CSMD3: variants seen among roughly 807,000 people sequenced by gnomAD.
CSMD3 encodes the protein CUB and Sushi multiple domains 3.
Under a neutral mutation model 435.2 loss-of-function variants are expected in CSMD3, and 177 were observed. The ratio of observed to expected loss-of-function variants is 0.41; its 90% CI spans 0.36 to 0.46. The LOEUF (loss-of-function observed/expected upper bound fraction) is 0.46, where lower values mean the gene tolerates loss of function less well. CSMD3 is among the 20% of genes least tolerant of loss of function. The pLI is 0.34. For missense variants in CSMD3, 4,265 were observed against 4,504.6 expected (o/e 0.95, Z 1.52); for synonymous variants, 1,656 against 1,520.5 (o/e 1.09, Z -2.07).
At chr8:113,069,601 G>A (rs2131397351) in intron 5 of CSMD3, among the ~76,000 whole-genome samples, 1 of 152,182 alleles carries the variant, frequency 6.6e-6, no homozygotes, top group South Asian at 2.1e-4. Context: ...ATGTCCAGAT[G>A]TGGGCAGTAA....
intron 13 of CSMD3, among the ~76,000 whole-genome samples, chr8:112,767,958 A>G (rs1248785043): frequency 1.3e-5 from 2 of 151,732 alleles, no homozygotes; most frequent in Non-Finnish European, 1.5e-5. Context: ...GGAAACAAGA[A>G]TATTAATCTC....
intron 2 of CSMD3, among the ~76,000 whole-genome samples, chr8:113,293,539 T>G (rs2093700124): frequency 6.6e-6 from 1 of 152,086 alleles, no homozygotes; most frequent in Admixed American, 6.6e-5. Flanking sequence ...CCATATCCAC[T>G]ATGTGCCACA....
intron 32 of CSMD3, among the ~76,000 whole-genome samples, chr8:112,463,908 C>T (rs1768496648): frequency 6.6e-6 from 1 of 152,042 alleles, no homozygotes; most frequent in Non-Finnish European, 1.5e-5. Context: ...GAGTTCTAAC[C>T]TCCTAAAAGA....
At chr8:112,373,648 T>C (rs1828663322) in intron 38 of CSMD3, among the ~76,000 whole-genome samples, 1 of 152,192 alleles carries the variant, frequency 6.6e-6, no homozygotes, top group Non-Finnish European at 1.5e-5. Flanking sequence ...TGTATCTAGT[T>C]ATTAAAATCT....
At chr8:113,222,247 C>T (rs192427298) in intron 3 of CSMD3, among the ~76,000 whole-genome samples, 216 of 150,774 alleles carry the variant, frequency 1.4e-3, no homozygotes, top group South Asian at 9.8e-3. Flanking sequence ...TAAATTTAAC[C>T]AAAAATTTTC....
At chr8:112,343,364 T>TAGAA (rs1448537150) in intron 41 of CSMD3, among the ~76,000 whole-genome samples, 1 of 152,126 alleles carries the variant, frequency 6.6e-6, no homozygotes, top group Non-Finnish European at 1.5e-5. Flanking sequence ...TCAATGGACA[T>TAGAA]AGAAGTTCAC....
chr8:113,164,082 G>C (rs943702379), intron 4 of CSMD3, among the ~76,000 whole-genome samples: 2 of 151,890 alleles, frequency 1.3e-5, no homozygotes, highest in Admixed American at 1.3e-4. Context: ...TTCCAGATTT[G>C]TTTAGGGTGT....
intron 9 of CSMD3, among the ~76,000 whole-genome samples, chr8:112,942,850 A>G (rs1024742036): frequency 3.3e-5 from 5 of 151,778 alleles, no homozygotes; most frequent in African/African-American, 1.2e-4. Flanking sequence ...ACCTGTATGT[A>G]TAGCCCTGAA....
intron 58 of CSMD3, among the ~76,000 whole-genome samples, chr8:112,282,710 C>T (rs1286332605): frequency 1.3e-5 from 2 of 152,004 alleles, no homozygotes; most frequent in African/African-American, 2.4e-5. Flanking sequence ...TTGAACTAAG[C>T]ACAAGTAAAA....
intron 27 of CSMD3, among the ~76,000 whole-genome samples, chr8:112,536,685 C>T (rs1480010294): frequency 4.7e-5 from 7 of 150,526 alleles, no homozygotes; most frequent in African/African-American, 1.5e-4. Context: ...ACCCAAAGGA[C>T]TATAATTCAT....
chr8:112,263,881 TATC>T, intron 60 of CSMD3, 69 bp from the exon 61 acceptor site: 2 of 1,367,260 alleles, frequency 1.5e-6, no homozygotes, highest in South Asian at 2.4e-5. Flanking sequence ...TATAAATAAA[TATC>T]ATTAGAAGAA....
At chr8:112,988,780 C>T (rs1322070178) in intron 6 of CSMD3, among the ~76,000 whole-genome samples, 1 of 152,028 alleles carries the variant, frequency 6.6e-6, no homozygotes, top group Non-Finnish European at 1.5e-5. Context: ...GAGACTCAGG[C>T]ATCCATTAGT....
At chr8:112,263,884 C>CATTAG (rs1286639533) in intron 60 of CSMD3, 72 bp from the exon 61 acceptor site, 1 of 1,338,580 alleles carries the variant, frequency 7.5e-7, no homozygotes, top group African/African-American at 1.5e-5. Context: ...AAATAAATAT[C>CATTAG]ATTAGAAGAA....
chr8:112,738,391 T>C (rs1331558828), intron 13 of CSMD3, among the ~76,000 whole-genome samples: 1 of 151,726 alleles, frequency 6.6e-6, no homozygotes, highest in Admixed American at 6.6e-5. Flanking sequence ...AAATCAGATA[T>C]GAAATTATTC....
At chr8:112,358,553 G>T (rs970961911) in intron 38 of CSMD3, among the ~76,000 whole-genome samples, 9 of 152,102 alleles carry the variant, frequency 5.9e-5, no homozygotes, top group African/African-American at 2.2e-4. Flanking sequence ...TCTTTCCCAT[G>T]CTGTTCTTGT....
At chr8:113,403,890 G>A (rs529190776) in intron 1 of CSMD3, among the ~76,000 whole-genome samples, 1 of 151,338 alleles carries the variant, frequency 6.6e-6, no homozygotes, top group African/African-American at 2.4e-5. Flanking sequence ...TGGCCAAATC[G>A]TATTTTATGA....
intron 32 of CSMD3, among the ~76,000 whole-genome samples, chr8:112,434,473 T>A (rs1176134749): frequency 6.6e-6 from 1 of 152,084 alleles, no homozygotes; most frequent in Admixed American, 6.6e-5. Flanking sequence ...TCTACCAGCA[T>A]TTTTTTCTCC....
At chr8:113,009,445 C>T (rs1338826143) in intron 6 of CSMD3, among the ~76,000 whole-genome samples, 1 of 151,656 alleles carries the variant, frequency 6.6e-6, no homozygotes, top group African/African-American at 2.4e-5. Context: ...AAAATTAATT[C>T]CTGGGAATCT....
intron 38 of CSMD3, among the ~76,000 whole-genome samples, chr8:112,360,863 A>AT (rs1563839875): frequency 1.3e-5 from 2 of 151,854 alleles, no homozygotes; most frequent in African/African-American, 2.4e-5. Flanking sequence ...GGCTTCATTC[A>AT]TTTTTTTGCA....
Sources: gnomAD v4.1 joint callset for allele counts (sites outside exome capture counted in the v4.1 genomes callset) on GRCh38, gnomAD v4.1.1 for gene constraint, MANE v1.5 for transcripts, NCBI Gene and HGNC (gene_info 2026-07-23, HGNC 2026-07-21) for gene names.